The following NALF1 variants were observed in gnomAD, a reference collection of about 807,000 sequenced individuals.
The protein encoded by NALF1 is family with sequence similarity 155 member A.
A neutral mutation model predicts 48.4 loss-of-function variants in NALF1; 3 were observed. The observed-to-expected ratio is 0.06, with a 90% confidence interval of 0.03 to 0.16. The LOEUF is 0.16. Ranked by LOEUF, NALF1 falls within the 10% of genes least tolerant of loss-of-function variation. NALF1 has a pLI of 1.00. For missense variants in NALF1, 526 were observed against 571.5 expected (o/e 0.92, Z 0.81); for synonymous variants, 262 against 245.7 (o/e 1.07, Z -0.62).
At chr13:107,340,573 G>A (rs1489725228) in intron 1 of NALF1, among the ~76,000 whole-genome samples, 3 of 150,678 alleles carry the variant, frequency 2.0e-5, no homozygotes, top group African/African-American at 7.3e-5. Flanking sequence ...AAGGAAGAAG[G>A]GATTTACAGG....
intron 1 of NALF1, among the ~76,000 whole-genome samples, chr13:107,284,235 CCCTGGAGAA>C (rs1881446377): frequency 6.6e-6 from 1 of 152,032 alleles, no homozygotes; most frequent in Admixed American, 6.6e-5. Flanking sequence ...CTTACAAAGA[CCCTGGAGAA>C]GGGGGAGAAT....
intron 1 of NALF1, among the ~76,000 whole-genome samples, chr13:107,420,571 G>A (rs1163650622): frequency 6.6e-6 from 1 of 152,114 alleles, no homozygotes; most frequent in African/African-American, 2.4e-5. Flanking sequence ...TAGTCACTTA[G>A]AACAGGATGA....
rs1878768555 is a variant in NALF1, at chr13:107,170,174, C to T, written c.*323G>A. ...AGTTTACCTCTGAGAAACCATCCCC[C>T]AAAATAAATCCTGTATTAACAAGTG... is the stretch of plus-strand genomic sequence containing the variant. On this transcript the variant is annotated 3_prime_UTR_variant, in exon 3 of 3. Transcript: ENST00000375915. 1 of 225,360 alleles carries T rather than the reference C, an allele frequency of 4.4e-6. No homozygotes were observed. Among genetic ancestry groups the T allele is most frequent in the Non-Finnish European group, 8.9e-6 (1 of 112,800 alleles). The allele number at this position is 225,360 out of a possible 1,614,324, so 14.0% of individuals were successfully genotyped here. A position where few individuals can be genotyped will look rare whatever the true frequency, so the allele number is the denominator to read the frequency against.
At chr13:107,418,286 C>T (rs1172039909) in intron 1 of NALF1, among the ~76,000 whole-genome samples, 1 of 152,070 alleles carries the variant, frequency 6.6e-6, no homozygotes, top group Non-Finnish European at 1.5e-5. Context: ...GGAGTAATCC[C>T]CTCCCCTCGA....
At chr13:107,220,708 C>A (rs950430469) in intron 1 of NALF1, among the ~76,000 whole-genome samples, 1 of 152,078 alleles carries the variant, frequency 6.6e-6, no homozygotes, top group Non-Finnish European at 1.5e-5. Context: ...TAAGATGAAT[C>A]CCACTGTGAA....
At chr13:107,603,013 G>A (rs1878972973) in intron 1 of NALF1, among the ~76,000 whole-genome samples, 1 of 152,100 alleles carries the variant, frequency 6.6e-6, no homozygotes, top group Admixed American at 6.5e-5. Flanking sequence ...TCTGGTCTCA[G>A]TCATGTCTAT....
At chr13:107,857,357 C>T (rs1880464169) in intron 1 of NALF1, among the ~76,000 whole-genome samples, 1 of 152,178 alleles carries the variant, frequency 6.6e-6, no homozygotes, top group African/African-American at 2.4e-5. Context: ...GGGTGCAGGA[C>T]AAAGTTCACA....
chr13:107,215,232 A>C (rs1384174506), intron 1 of NALF1, among the ~76,000 whole-genome samples: 1 of 152,218 alleles, frequency 6.6e-6, no homozygotes. Context: ...CTTGAGTATT[A>C]TTCATTCCGA....
At chr13:107,753,927 C>A (rs187704837) in intron 1 of NALF1, among the ~76,000 whole-genome samples, 2 of 152,050 alleles carry the variant, frequency 1.3e-5, no homozygotes, top group Non-Finnish European at 2.9e-5. Flanking sequence ...CATGGACAAA[C>A]GGCAGAGACT....
intron 1 of NALF1, among the ~76,000 whole-genome samples, chr13:107,306,797 C>T (rs1219189222): frequency 1.3e-5 from 2 of 152,032 alleles, no homozygotes; most frequent in Non-Finnish European, 2.9e-5. Flanking sequence ...GACCCTGTCT[C>T]TACAAAAAAT....
chr13:107,518,753 T>C (rs371452116), intron 1 of NALF1, among the ~76,000 whole-genome samples: 1 of 152,324 alleles, frequency 6.6e-6, no homozygotes, highest in South Asian at 2.1e-4. Flanking sequence ...TTTACTTATT[T>C]GGACATTCAG....
chr13:107,324,555 A>G (rs1882315458), intron 1 of NALF1, among the ~76,000 whole-genome samples: 1 of 152,106 alleles, frequency 6.6e-6, no homozygotes, highest in Non-Finnish European at 1.5e-5. Flanking sequence ...AATTCCAAGA[A>G]AGTATCCATC....
chr13:107,857,538 G>A (rs917288796), intron 1 of NALF1, among the ~76,000 whole-genome samples: 3 of 152,254 alleles, frequency 2.0e-5, no homozygotes, highest in South Asian at 2.1e-4. Flanking sequence ...AGTGTTCAAG[G>A]CCTTTGGTTA....
At chr13:107,495,349 T>G (rs1401993773) in intron 1 of NALF1, among the ~76,000 whole-genome samples, 2 of 152,184 alleles carry the variant, frequency 1.3e-5, no homozygotes, top group African/African-American at 4.8e-5. Flanking sequence ...GGAGTTTAAG[T>G]CATCATCTTG....
chr13:107,301,031 C>T (rs1298411136), intron 1 of NALF1, among the ~76,000 whole-genome samples: 2 of 152,038 alleles, frequency 1.3e-5, no homozygotes, highest in Non-Finnish European at 2.9e-5. Context: ...TGCAAAATAC[C>T]CAACCAATCT....
intron 1 of NALF1, among the ~76,000 whole-genome samples, chr13:107,723,123 C>T (rs1490310984): frequency 3.9e-5 from 6 of 152,142 alleles, no homozygotes; most frequent in South Asian, 2.1e-4. Context: ...ATTCAGTCAG[C>T]GGATTGGGCC....
intron 1 of NALF1, among the ~76,000 whole-genome samples, chr13:107,342,571 C>T (rs1056558230): frequency 9.2e-5 from 14 of 152,126 alleles, no homozygotes; most frequent in African/African-American, 3.4e-4. Flanking sequence ...GAAACAAATA[C>T]ACAGCATATG....
intron 1 of NALF1, among the ~76,000 whole-genome samples, chr13:107,551,177 T>C (rs1301457831): frequency 6.6e-6 from 1 of 152,188 alleles, no homozygotes; most frequent in Non-Finnish European, 1.5e-5. Flanking sequence ...TTGTGACGTC[T>C]CTTCTATGAA....
intron 2 of NALF1, among the ~76,000 whole-genome samples, chr13:107,207,947 T>C (rs1029011416): frequency 3.3e-5 from 5 of 152,114 alleles, no homozygotes; most frequent in African/African-American, 9.7e-5. Context: ...AGCCACTGCA[T>C]CTGGCCTCAG....
Sources: gnomAD v4.1 joint callset for allele counts (sites outside exome capture counted in the v4.1 genomes callset) on GRCh38, gnomAD v4.1.1 for gene constraint, MANE v1.5 for transcripts, NCBI Gene and HGNC (gene_info 2026-07-23, HGNC 2026-07-21) for gene names.